The following SLC24A2 variants were observed in gnomAD, a reference collection of about 807,000 sequenced individuals.
SLC24A2 encodes the protein solute carrier family 24 member 2, also known as sodium/potassium/calcium exchanger 2.
In SLC24A2, 36 loss-of-function variants were observed where a neutral mutation model predicts 62.0. That is an observed-to-expected ratio of 0.58 (90% CI 0.44 to 0.77). The LOEUF is 0.77. SLC24A2 is among the 30% of genes least tolerant of loss of function. The pLI is 0.00. For missense variants in SLC24A2, 846 were observed against 817.9 expected, an observed-to-expected ratio of 1.03 and a Z score of -0.42; for synonymous variants, 358 against 294.0, an observed-to-expected ratio of 1.22 and a Z score of -2.23.
chr9:20,284,346 T>C, the SLC24A2 span, among the ~76,000 whole-genome samples: 5 of 152,052 alleles, frequency 3.3e-5, no homozygotes, highest in African/African-American at 1.2e-4. Context: ...GGTGTGATCA[T>C]AGCTCACAGC....
the SLC24A2 span, among the ~76,000 whole-genome samples, chr9:20,138,035 G>A: frequency 6.6e-6 from 1 of 152,174 alleles, no homozygotes; most frequent in Non-Finnish European, 1.5e-5. Flanking sequence ...TGAGAGTTAA[G>A]GAAGTTATAC....
intron 4 of SLC24A2, among the ~76,000 whole-genome samples, chr9:19,606,776 C>CG (rs1377961238): frequency 6.6e-6 from 1 of 152,146 alleles, no homozygotes; most frequent in Non-Finnish European, 1.5e-5. Flanking sequence ...CCTTTGAGCC[C>CG]GGGGACAACC....
At chr9:19,886,207 T>C in the SLC24A2 span, among the ~76,000 whole-genome samples, 3 of 152,164 alleles carry the variant, frequency 2.0e-5, no homozygotes, top group Non-Finnish European at 4.4e-5. Flanking sequence ...TAATTTACGC[T>C]CCCACCAGCA....
the SLC24A2 span, among the ~76,000 whole-genome samples, chr9:20,111,383 AG>A: frequency 6.6e-6 from 1 of 152,118 alleles, no homozygotes; most frequent in Admixed American, 6.5e-5. Flanking sequence ...CTTGAGATCT[AG>A]GGTTAGTGCC....
the SLC24A2 span, among the ~76,000 whole-genome samples, chr9:20,245,285 T>C: frequency 0.12 from 18,003 of 152,154 alleles, 2,134 homozygotes; most frequent in East Asian, 0.53. Flanking sequence ...TTTCACGGGT[T>C]ACCTATGAAG....
the SLC24A2 span, among the ~76,000 whole-genome samples, chr9:19,946,487 G>A: frequency 6.6e-6 from 1 of 152,144 alleles, no homozygotes; most frequent in African/African-American, 2.4e-5. Context: ...TCAACTGAAG[G>A]CTTTAAAGAC....
chr9:20,004,570 A>G, the SLC24A2 span, among the ~76,000 whole-genome samples: 44 of 152,344 alleles, frequency 2.9e-4, no homozygotes, highest in African/African-American at 1.0e-3. Flanking sequence ...CAATGGGATG[A>G]TCTCCATTAG....
At chr9:20,069,474 T>A in the SLC24A2 span, among the ~76,000 whole-genome samples, 1 of 152,206 alleles carries the variant, frequency 6.6e-6, no homozygotes, top group Non-Finnish European at 1.5e-5. Flanking sequence ...ATGTACAGTT[T>A]AACAAATTGT....
At chr9:20,040,989 T>G in the SLC24A2 span, among the ~76,000 whole-genome samples, 1 of 152,240 alleles carries the variant, frequency 6.6e-6, no homozygotes, top group Non-Finnish European at 1.5e-5. Context: ...GTAATGCTTT[T>G]ATTCTCTCCT....
At position 19,582,589 on chromosome 9, in the gene SLC24A2, C is replaced by T. The variant is rs577134472; in HGVS notation, c.1130-5567G>A. Among the ~76,000 whole-genome samples, 67 of 152,188 alleles carry T rather than the reference C, an allele frequency of 4.4e-4. 1 individual carries two copies. The highest frequency in any genetic ancestry group is 3.2e-3 in the Middle Eastern group (1 of 316). ...CTTTTAAAATCTATTTTTGTGTTTT[C>T]GGTTCTGCCTTTCTTGTCTCTTTCT... is the stretch of plus-strand genomic sequence containing the variant. On this transcript the variant is annotated intron_variant, in intron 5 of 10. Coordinates refer to ENST00000341998, the MANE Select transcript of SLC24A2 (RefSeq NM_020344.4).
intron 2 of SLC24A2, among the ~76,000 whole-genome samples, chr9:19,695,122 T>C (rs1473984509): frequency 6.6e-6 from 1 of 151,950 alleles, no homozygotes; most frequent in Non-Finnish European, 1.5e-5. Flanking sequence ...TTGATTTCCA[T>C]AACTGGAGGG....
At chr9:19,819,204 T>C in the SLC24A2 span, among the ~76,000 whole-genome samples, 16 of 152,142 alleles carry the variant, frequency 1.1e-4, no homozygotes, top group African/African-American at 3.4e-4. Flanking sequence ...CAACTCAAGA[T>C]GGATTAAAGA....
At chr9:20,076,927 T>C in the SLC24A2 span, among the ~76,000 whole-genome samples, 1 of 147,826 alleles carries the variant, frequency 6.8e-6, no homozygotes, top group Non-Finnish European at 1.5e-5. Flanking sequence ...CACATTTATA[T>C]ATATTTGTAT....
the SLC24A2 span, among the ~76,000 whole-genome samples, chr9:20,142,260 C>T: frequency 6.6e-6 from 1 of 151,986 alleles, no homozygotes; most frequent in African/African-American, 2.4e-5. Flanking sequence ...TTAGTAACAC[C>T]CATGAAGTAC....
the SLC24A2 span, among the ~76,000 whole-genome samples, chr9:20,240,576 G>A: frequency 6.6e-6 from 1 of 152,270 alleles, no homozygotes; most frequent in Admixed American, 6.5e-5. Context: ...TTTTAACTTG[G>A]ATGTATTAAT....
chr9:19,741,847 C>T (rs1477343424), intron 2 of SLC24A2, among the ~76,000 whole-genome samples: 1 of 152,166 alleles, frequency 6.6e-6, no homozygotes, highest in Non-Finnish European at 1.5e-5. Context: ...CTTATCCCCA[C>T]CCCATGTAAG....
At chr9:19,666,004 T>C (rs988839419) in intron 2 of SLC24A2, among the ~76,000 whole-genome samples, 15 of 152,108 alleles carry the variant, frequency 9.9e-5, no homozygotes, top group African/African-American at 3.1e-4. Flanking sequence ...TGAGTTAGTA[T>C]ATGTAAAGAG....
At chr9:20,304,639 C>T in the SLC24A2 span, among the ~76,000 whole-genome samples, 4 of 152,132 alleles carry the variant, frequency 2.6e-5, no homozygotes, top group South Asian at 8.3e-4. Flanking sequence ...TATGCTTATT[C>T]TTATAGGTAA....
At chr9:19,924,377 G>T in the SLC24A2 span, among the ~76,000 whole-genome samples, 1 of 152,156 alleles carries the variant, frequency 6.6e-6, no homozygotes. Flanking sequence ...TTTTGGGGGA[G>T]TCCACCACCC....
Sources: gnomAD v4.1 joint callset for allele counts (sites outside exome capture counted in the v4.1 genomes callset) on GRCh38, gnomAD v4.1.1 for gene constraint, MANE v1.5 for transcripts, NCBI Gene and HGNC (gene_info 2026-07-23, HGNC 2026-07-21) for gene names.